The following COL21A1 variants were observed in gnomAD, a reference collection of about 807,000 sequenced individuals.
The protein encoded by COL21A1 is collagen alpha-1(XXI) chain.
COL21A1 carries 149 observed loss-of-function variants against 137.9 expected under a neutral mutation model. The observed-to-expected ratio is 1.08, with a 90% CI of 0.95 to 1.24. The LOEUF (loss-of-function observed/expected upper bound fraction) is 1.24, where lower values mean the gene tolerates loss of function less well. COL21A1 is among the 50% of genes most tolerant of loss of function. The pLI is 0.00. For synonymous variants in COL21A1, 456 were observed against 391.5 expected, an observed-to-expected ratio of 1.16 and a Z score of -1.95; for missense variants, 1,167 against 1,158.4, an observed-to-expected ratio of 1.01 and a Z score of -0.11.
At chr6:56,158,006 A>AGG (rs2152259714) in intron 9 of COL21A1, among the ~76,000 whole-genome samples, 1 of 152,348 alleles carries the variant, frequency 6.6e-6, no homozygotes, top group South Asian at 2.1e-4. Context: ...CCCAATGGCC[A>AGG]GTACTGACCA....
chr6:56,070,132 G>A (rs9296826), intron 21 of COL21A1, among the ~76,000 whole-genome samples: 1 of 151,512 alleles, frequency 6.6e-6, no homozygotes, highest in African/African-American at 2.4e-5. Flanking sequence ...TCCTGAACAT[G>A]CTTCATGGTT....
At chr6:56,144,976 T>A (rs1230668452) in intron 10 of COL21A1, among the ~76,000 whole-genome samples, 2 of 152,210 alleles carry the variant, frequency 1.3e-5, no homozygotes, top group Non-Finnish European at 2.9e-5. Flanking sequence ...AGGTGAAGAT[T>A]CTGGCAGGTG....
At chr6:56,182,417 A>G in intron 2 of COL21A1, 114 bp downstream of exon 2, 1 of 674,602 alleles carries the variant, frequency 1.5e-6, no homozygotes, top group Non-Finnish European at 2.6e-6. Flanking sequence ...TTAGGGAGTT[A>G]CAGAATCAAA....
At chr6:56,228,433 C>T (rs928243784) in intron 1 of COL21A1, among the ~76,000 whole-genome samples, 4 of 151,654 alleles carry the variant, frequency 2.6e-5, no homozygotes, top group African/African-American at 7.3e-5. Flanking sequence ...CTGGCTTGAA[C>T]GTCTTGTAGA....
At chr6:56,193,861 T>A (rs1778856693) in intron 1 of COL21A1, among the ~76,000 whole-genome samples, 1 of 152,038 alleles carries the variant, frequency 6.6e-6, no homozygotes, top group Non-Finnish European at 1.5e-5. Context: ...CTCAAGCGAT[T>A]CTCCTCCCTC....
intron 10 of COL21A1, among the ~76,000 whole-genome samples, chr6:56,144,043 T>G (rs1179945494): frequency 6.6e-6 from 1 of 152,210 alleles, no homozygotes; most frequent in Non-Finnish European, 1.5e-5. Flanking sequence ...TGCTCAGCCC[T>G]GTATGTCTAC....
chr6:56,328,498 T>C (rs1435694769), intron 1 of COL21A1, among the ~76,000 whole-genome samples: 2 of 152,090 alleles, frequency 1.3e-5, no homozygotes, highest in Admixed American at 6.6e-5. Flanking sequence ...TATTCACTGA[T>C]TATATATCTG....
At chr6:56,289,597 C>T (rs1175276765) in intron 1 of COL21A1, among the ~76,000 whole-genome samples, 3 of 152,090 alleles carry the variant, frequency 2.0e-5, no homozygotes, top group Non-Finnish European at 4.4e-5. Flanking sequence ...AGGATAAATG[C>T]CCTTGATAGT....
At chr6:56,245,605 C>T (rs1782595196) in intron 1 of COL21A1, among the ~76,000 whole-genome samples, 1 of 152,174 alleles carries the variant, frequency 6.6e-6, no homozygotes, top group Non-Finnish European at 1.5e-5. Flanking sequence ...CATTATTTAA[C>T]TCTGACAACA....
At chr6:56,171,185 A>C in intron 3 of COL21A1, 57 bp from the exon 4 acceptor site, 1 of 1,267,524 alleles carries the variant, frequency 7.9e-7, no homozygotes. Flanking sequence ...ACAATAAAAG[A>C]AAAATCAAGG....
intron 10 of COL21A1, among the ~76,000 whole-genome samples, chr6:56,155,109 C>T (rs552134941): frequency 6.7e-6 from 1 of 149,648 alleles, no homozygotes; most frequent in Non-Finnish European, 1.5e-5. Context: ...GTGTTGTTCT[C>T]CTCTATGCGT....
At chr6:56,202,049 T>C (rs936735923) in intron 1 of COL21A1, among the ~76,000 whole-genome samples, 27 of 151,928 alleles carry the variant, frequency 1.8e-4, no homozygotes, top group Admixed American at 1.6e-3. Flanking sequence ...TCAAAGGAAA[T>C]CCCCTAAAAC....
chr6:56,179,962 C>A lies in COL21A1; in HGVS notation c.256G>T (p.Val86Leu), dbSNP rs368935187. The A allele has an allele frequency of 1.5e-5, 25 of 1,613,800 alleles. No homozygotes were observed. The African/African-American group carries it at 3.1e-4, about 20-fold the overall frequency. Residue 86 changes from valine to leucine, a missense_variant, in exon 3 of 30, where the codon GTG becomes TTG. By Grantham distance (32) the Val-to-Leu change is conservative (BLOSUM62 1). Transcript: ENST00000244728. ...VGVVQYSDYPVLEIPLGSYDS... is the reference protein window; with the variant it reads ...VGVVQYSDYPLLEIPLGSYDS... ...TAGCTTCCGAGAGGAATCTCCAGCA[C>A]AGGGTAGTCACTATATTGAACCACT...
chr6:56,267,244 T>C (rs1763413282), intron 1 of COL21A1, among the ~76,000 whole-genome samples: 1 of 152,234 alleles, frequency 6.6e-6, no homozygotes, highest in South Asian at 2.1e-4. Flanking sequence ...GCAGAGTCTG[T>C]CCTGATCTTC....
intron 1 of COL21A1, among the ~76,000 whole-genome samples, chr6:56,272,418 G>A (rs1048356070): frequency 6.6e-6 from 1 of 152,136 alleles, no homozygotes; most frequent in Non-Finnish European, 1.5e-5. Context: ...TAACTAACTC[G>A]ATTTTCATTT....
intron 1 of COL21A1, among the ~76,000 whole-genome samples, chr6:56,193,661 A>G (rs1778838805): frequency 6.6e-6 from 1 of 152,228 alleles, no homozygotes; most frequent in Admixed American, 6.5e-5. Flanking sequence ...TCTATAAATT[A>G]TACTTCAATG....
intron 1 of COL21A1, among the ~76,000 whole-genome samples, chr6:56,384,817 A>G (rs975214577): frequency 6.6e-6 from 1 of 152,212 alleles, no homozygotes; most frequent in Non-Finnish European, 1.5e-5. Context: ...TTGTTCATTC[A>G]ACAAACTTTT....
chr6:56,119,790 G>A (rs766742516), intron 16 of COL21A1, among the ~76,000 whole-genome samples: 10 of 152,062 alleles, frequency 6.6e-5, no homozygotes, highest in East Asian at 1.9e-4. Flanking sequence ...CAAAGATTCC[G>A]AGAACATACA....
At chr6:56,162,541 G>A (rs912347889) in intron 9 of COL21A1, among the ~76,000 whole-genome samples, 2 of 152,138 alleles carry the variant, frequency 1.3e-5, no homozygotes, top group Non-Finnish European at 2.9e-5. Context: ...GACCACAAAT[G>A]ACAATCAGAA....
Sources: allele counts gnomAD v4.1 joint callset (sites outside exome capture counted in the v4.1 genomes callset), GRCh38; gene constraint gnomAD v4.1.1; transcripts MANE v1.5; gene names NCBI Gene and HGNC (gene_info 2026-07-23, HGNC 2026-07-21).